ZMYM4: variants seen among roughly 807,000 people sequenced by gnomAD.
The protein encoded by ZMYM4 is zinc finger MYM-type containing 4.
Under a neutral mutation model 183.2 loss-of-function variants are expected in ZMYM4, and 31 were observed. That is an observed-to-expected ratio of 0.17 (90% confidence interval 0.13 to 0.23). The LOEUF is 0.23. ZMYM4 is among the 10% of genes least tolerant of loss of function. The pLI, the probability that ZMYM4 is intolerant of heterozygous loss-of-function variation, is 1.00. For missense variants in ZMYM4, 1,273 were observed against 1,840.3 expected (o/e 0.69, Z 5.64); for synonymous variants, 592 against 631.2 (o/e 0.94, Z 0.93).
intron 1 of ZMYM4, among the ~76,000 whole-genome samples, chr1:35,281,631 A>G (rs2148687650): frequency 6.8e-6 from 1 of 147,198 alleles, no homozygotes; most frequent in South Asian, 2.2e-4. Context: ...TTGTGCAATT[A>G]TAACTTCTCA....
intron 25 of ZMYM4, among the ~76,000 whole-genome samples, chr1:35,406,634 T>C (rs1645007411): frequency 6.6e-6 from 1 of 152,180 alleles, no homozygotes; most frequent in Admixed American, 6.5e-5. Flanking sequence ...TGGCAACCCA[T>C]TTCTACCACT....
intron 7 of ZMYM4, among the ~76,000 whole-genome samples, chr1:35,379,774 C>T (rs555927622): frequency 7.9e-5 from 12 of 152,176 alleles, no homozygotes; most frequent in East Asian, 1.9e-4. Context: ...GGCCTGCTTT[C>T]GATATTATTA....
chr1:35,394,250 G>A (rs1644768510), intron 18 of ZMYM4, among the ~76,000 whole-genome samples: 1 of 145,584 alleles, frequency 6.9e-6, no homozygotes, highest in South Asian at 2.2e-4. Context: ...ATGCTGGGCA[G>A]GGTAGTAGTC....
chr1:35,280,921 C>T (rs1283333700), intron 1 of ZMYM4, among the ~76,000 whole-genome samples: 1 of 152,110 alleles, frequency 6.6e-6, no homozygotes, highest in Non-Finnish European at 1.5e-5. Context: ...TTGGGGACCA[C>T]AATTTAACCC....
At chr1:35,401,461 C>T (rs1341202367) in intron 23 of ZMYM4, among the ~76,000 whole-genome samples, 1 of 152,144 alleles carries the variant, frequency 6.6e-6, no homozygotes, top group African/African-American at 2.4e-5. Flanking sequence ...AGTTTTCGCA[C>T]ATTTTTTTCA....
At chr1:35,392,540 C>T (rs1208228097) in intron 16 of ZMYM4, 107 bp from the exon 17 acceptor site, 13 of 1,301,180 alleles carry the variant, frequency 1.0e-5, no homozygotes, top group Non-Finnish European at 1.4e-5. Context: ...TAAAAAAACA[C>T]ATGTTCTTAG....
chr1:35,418,774 G>A (rs1640221180), intron 29 of ZMYM4, among the ~76,000 whole-genome samples: 1 of 152,172 alleles, frequency 6.6e-6, no homozygotes, highest in South Asian at 2.1e-4. Context: ...TTATGAAAAT[G>A]TCTTCAAAAG....
intron 3 of ZMYM4, among the ~76,000 whole-genome samples, chr1:35,359,709 C>G (rs1643895821): frequency 6.6e-6 from 1 of 152,078 alleles, no homozygotes; most frequent in African/African-American, 2.4e-5. Flanking sequence ...AGGCAAGATA[C>G]TTGAATCACC....
intron 15 of ZMYM4, 46 bp from the exon 16 acceptor site, chr1:35,392,166 C>A: frequency 6.2e-7 from 1 of 1,610,692 alleles, no homozygotes; most frequent in Non-Finnish European, 8.5e-7. Flanking sequence ...TGTGTAAGTA[C>A]ATATAAATCA....
chr1:35,351,204 C>T lies in ZMYM4; in HGVS notation c.86-7721C>T, dbSNP rs547079987. On this transcript the variant is annotated intron_variant, in intron 2 of 29. Transcript: ENST00000314607. The stretch of plus-strand genomic sequence containing the variant: ...CACTGGCAATAAAGTTTTGGGTACC[C>T]TGAAGGGCGCTGTGGATGGAGGCTT... 16 of 1,406,580 alleles carry T rather than the reference C, an allele frequency of 1.1e-5. No homozygotes were observed. In the South Asian group the frequency reaches 1.8e-4, roughly 16 times the overall value. 87.1% of individuals were successfully genotyped at this position (1,406,580 alleles called of 1,614,324 possible).
intron 28 of ZMYM4, among the ~76,000 whole-genome samples, chr1:35,416,492 C>T (rs1382229534): frequency 1.3e-5 from 2 of 152,074 alleles, no homozygotes; most frequent in African/African-American, 2.4e-5. Flanking sequence ...TCTTTTTCAC[C>T]TAATGTCTGT....
At position 35,396,652 on chromosome 1, in the gene ZMYM4, A is replaced by T; in HGVS notation, c.3012A>T (p.Pro1004=). 6.2e-7 allele frequency: 1 copy of T among 1,612,936 alleles called. No homozygotes were observed. Among genetic ancestry groups the T allele is most frequent in the Non-Finnish European group, 8.5e-7 (1 of 1,179,388 alleles). The part of the protein sequence containing the change: ...LHLYTQYAPV[P]FGIPVPMPVP... ...TTTATACTCAATATGCTCCAGTCCCATTTGGAATTCCAGTTCCAGTGAGTA... is the reference window on the plus strand; with the variant it reads ...TTTATACTCAATATGCTCCAGTCCCTTTTGGAATTCCAGTTCCAGTGAGTA... The change falls in exon 19 of 30, where the codon CCA becomes CCT. Residue 1004 remains proline, a synonymous_variant. Coordinates refer to ENST00000314607, the MANE Select transcript of ZMYM4 (RefSeq NM_005095.3).
At chr1:35,291,925 G>A (rs1287856643) in intron 1 of ZMYM4, among the ~76,000 whole-genome samples, 2 of 151,918 alleles carry the variant, frequency 1.3e-5, no homozygotes, top group Admixed American at 6.6e-5. Context: ...ATGAGCCACC[G>A]TGCCCAGCCA....
At chr1:35,365,412 A>G (rs1159894950) in intron 5 of ZMYM4, among the ~76,000 whole-genome samples, 1 of 152,070 alleles carries the variant, frequency 6.6e-6, no homozygotes, top group Non-Finnish European at 1.5e-5. Flanking sequence ...TTCAGTAAAT[A>G]CTACATTAAA....
chr1:35,329,243 G>A (rs530294588), intron 2 of ZMYM4, among the ~76,000 whole-genome samples: 1 of 152,352 alleles, frequency 6.6e-6, no homozygotes, highest in South Asian at 2.1e-4. Flanking sequence ...ATGCAGGTGA[G>A]AAGAGAAGGT....
chr1:35,410,472 TTATC>T (rs1439499142), intron 26 of ZMYM4, among the ~76,000 whole-genome samples: 2 of 151,526 alleles, frequency 1.3e-5, no homozygotes. Context: ...ATTTATTTAT[TTATC>T]TGTTTATTAA....
intron 26 of ZMYM4, among the ~76,000 whole-genome samples, chr1:35,410,250 C>T (rs1320829092): frequency 6.6e-6 from 1 of 152,092 alleles, no homozygotes; most frequent in Non-Finnish European, 1.5e-5. Flanking sequence ...CAAATCTCCA[C>T]GAGGTTTGGA....
intron 29 of ZMYM4, among the ~76,000 whole-genome samples, chr1:35,419,063 G>A (rs1640233993): frequency 6.6e-6 from 1 of 152,132 alleles, no homozygotes. Context: ...TTCATTCCAG[G>A]ATATTGGGCA....
At chr1:35,328,590 C>T (rs1463555745) in intron 2 of ZMYM4, among the ~76,000 whole-genome samples, 1 of 151,706 alleles carries the variant, frequency 6.6e-6, no homozygotes, top group Non-Finnish European at 1.5e-5. Context: ...GCCACCACAC[C>T]CAGCCAACCA....
Sources: allele counts gnomAD v4.1 joint callset (sites outside exome capture counted in the v4.1 genomes callset), GRCh38; gene constraint gnomAD v4.1.1; transcripts MANE v1.5; gene names NCBI Gene and HGNC (gene_info 2026-07-23, HGNC 2026-07-21).